The following DLGAP2 variants were observed in gnomAD, a reference collection of about 807,000 sequenced individuals.
DLGAP2 encodes the protein DLG associated protein 2, also known as disks large-associated protein 2.
DLGAP2 carries 26 observed loss-of-function variants against 100.3 expected under a neutral mutation model. The ratio of observed to expected loss-of-function variants is 0.26; its 90% CI spans 0.19 to 0.36. The LOEUF (loss-of-function observed/expected upper bound fraction) is 0.36, where lower values mean the gene tolerates loss of function less well. DLGAP2 is among the 10% of genes least tolerant of loss of function. The probability of loss-of-function intolerance (pLI) is 1.00; values close to 1 mark genes in which losing one functional copy is unlikely to be tolerated. For synonymous variants in DLGAP2, 886 were observed against 630.1 expected (o/e 1.41, Z -6.08); for missense variants, 1,858 against 1,453.2 (o/e 1.28, Z -4.53).
chr8:904,850 G>T (rs1401585537), intron 1 of DLGAP2, among the ~76,000 whole-genome samples: 1 of 152,218 alleles, frequency 6.6e-6, no homozygotes, highest in Non-Finnish European at 1.5e-5. Context: ...TTTTAAAAGT[G>T]CCTTTGGGCA....
chr8:1,658,748 G>T (rs573090645), intron 8 of DLGAP2, among the ~76,000 whole-genome samples: 4 of 152,184 alleles, frequency 2.6e-5, no homozygotes, highest in South Asian at 4.2e-4. Context: ...TTCTTTATTA[G>T]TCTGGCTACC....
chr8:1,357,039 C>A (rs1180054971), intron 3 of DLGAP2, among the ~76,000 whole-genome samples: 1 of 150,790 alleles, frequency 6.6e-6, no homozygotes, highest in African/African-American at 2.4e-5. Flanking sequence ...GAGAAATCAT[C>A]CTCCCTGTTA....
chr8:1,084,086 A>G (rs56884137), intron 2 of DLGAP2, among the ~76,000 whole-genome samples: 5,293 of 152,232 alleles, frequency 0.035, 239 homozygotes, highest in East Asian at 0.16. Flanking sequence ...TATTATTTGT[A>G]TGTACTCTTA....
intron 6 of DLGAP2, among the ~76,000 whole-genome samples, chr8:1,573,803 G>A (rs1245456776): frequency 1.3e-5 from 2 of 152,170 alleles, no homozygotes; most frequent in Admixed American, 6.5e-5. Context: ...AGGCAGGGCT[G>A]AGCAGGTGTG....
At chr8:1,325,969 G>A (rs1011415018) in intron 3 of DLGAP2, among the ~76,000 whole-genome samples, 1 of 152,176 alleles carries the variant, frequency 6.6e-6, no homozygotes, top group African/African-American at 2.4e-5. Context: ...AGGCCCATGG[G>A]AATGTGAGTT....
intron 3 of DLGAP2, among the ~76,000 whole-genome samples, chr8:1,306,000 G>A (rs1800480491): frequency 6.8e-6 from 1 of 146,306 alleles, no homozygotes; most frequent in South Asian, 2.2e-4. Flanking sequence ...ATATTTTGCT[G>A]AATTCCTTTT....
At chr8:1,088,563 T>C (rs978820052) in intron 2 of DLGAP2, among the ~76,000 whole-genome samples, 10 of 152,166 alleles carry the variant, frequency 6.6e-5, no homozygotes, top group African/African-American at 2.4e-4. Flanking sequence ...CATCAGAGAT[T>C]GTAGGAAATT....
At position 1,676,568 on chromosome 8, in the gene DLGAP2, C is replaced by T. The variant is rs774343202; in HGVS notation, c.2238C>T (p.Arg746=). 4 of 1,613,564 alleles carry T rather than the reference C, an allele frequency of 2.5e-6. No homozygotes were observed. The highest frequency in any genetic ancestry group is 2.2e-5 in the East Asian group (1 of 44,868). ...ETATDSDTES[R]GLREYHSVGV... Reference sequence around the variant, plus strand: ...CCACAGATTCTGACACGGAGAGCCGCGGTCTGCGGGAATACCACTCTGTCG... The same window carrying T: ...CCACAGATTCTGACACGGAGAGCCGTGGTCTGCGGGAATACCACTCTGTCG... The change falls in exon 11 of 15, where the codon CGC becomes CGT. Residue 746 remains arginine (R), a synonymous_variant. Coordinates refer to ENST00000637795, the MANE Select transcript of DLGAP2 (RefSeq NM_001346810.2).
chr8:1,204,977 C>T (rs1012103200), intron 2 of DLGAP2, among the ~76,000 whole-genome samples: 1 of 152,148 alleles, frequency 6.6e-6, no homozygotes, highest in Non-Finnish European at 1.5e-5. Flanking sequence ...GTGGGGCTGA[C>T]AGCTCCATTG....
At chr8:1,222,824 G>A (rs1409509201) in intron 2 of DLGAP2, among the ~76,000 whole-genome samples, 3 of 152,120 alleles carry the variant, frequency 2.0e-5, no homozygotes, top group African/African-American at 7.2e-5. Context: ...GTGCATCCAG[G>A]CGGGGAGCCC....
At chr8:759,597 C>G (rs1371380365) in intron 1 of DLGAP2, among the ~76,000 whole-genome samples, 1 of 151,970 alleles carries the variant, frequency 6.6e-6, no homozygotes. Context: ...GGGCTCCCCC[C>G]TGGGCTGCAC....
chr8:1,413,103 C>T (rs918151764), intron 3 of DLGAP2, among the ~76,000 whole-genome samples: 3 of 152,190 alleles, frequency 2.0e-5, no homozygotes, highest in African/African-American at 4.8e-5. Flanking sequence ...TAGTGTCCCT[C>T]TGGAACTCAC....
intron 8 of DLGAP2, among the ~76,000 whole-genome samples, chr8:1,645,500 T>C (rs1798020273): frequency 6.6e-6 from 1 of 152,230 alleles, no homozygotes; most frequent in African/African-American, 2.4e-5. Flanking sequence ...GATGGGTTTG[T>C]GGGGACATAA....
chr8:1,694,128 G>C (rs1799320658), intron 13 of DLGAP2, among the ~76,000 whole-genome samples: 1 of 152,176 alleles, frequency 6.6e-6, no homozygotes, highest in African/African-American at 2.4e-5. Flanking sequence ...TATGCCTTTT[G>C]AGTTTTAAAA....
intron 3 of DLGAP2, among the ~76,000 whole-genome samples, chr8:1,451,247 A>T (rs565355741): frequency 6.6e-6 from 1 of 152,186 alleles, no homozygotes; most frequent in African/African-American, 2.4e-5. Context: ...GTTGCAGCGT[A>T]ACTAACATCC....
chr8:1,076,642 C>A (rs1029943244), intron 2 of DLGAP2, among the ~76,000 whole-genome samples: 1 of 152,206 alleles, frequency 6.6e-6, no homozygotes, highest in African/African-American at 2.4e-5. Context: ...TCCTTCCCAG[C>A]AGTTGGCAGA....
chr8:1,567,622 G>T (rs1329113628), intron 6 of DLGAP2, among the ~76,000 whole-genome samples: 1 of 152,166 alleles, frequency 6.6e-6, no homozygotes, highest in African/African-American at 2.4e-5. Flanking sequence ...ATTCTTCAGT[G>T]GCAGAGACAG....
chr8:1,026,173 C>T (rs937362752), intron 2 of DLGAP2, among the ~76,000 whole-genome samples: 1 of 152,134 alleles, frequency 6.6e-6, no homozygotes, highest in South Asian at 2.1e-4. Flanking sequence ...AAAATGGAAT[C>T]GTTGTCACCT....
At chr8:1,681,903 T>C (rs186694063) in intron 12 of DLGAP2, among the ~76,000 whole-genome samples, 13 of 139,450 alleles carry the variant, frequency 9.3e-5, no homozygotes, top group Middle Eastern at 3.5e-3. Flanking sequence ...AGCAGTGATC[T>C]GGGACTGGGA....
Sources: allele counts gnomAD v4.1 joint callset (sites outside exome capture counted in the v4.1 genomes callset), GRCh38; gene constraint gnomAD v4.1.1; transcripts MANE v1.5; gene names NCBI Gene and HGNC (gene_info 2026-07-23, HGNC 2026-07-21).